TSPAN18: variants seen among roughly 807,000 people sequenced by gnomAD.
TSPAN18 encodes tetraspanin-18.
TSPAN18 carries 14 observed loss-of-function variants against 27.3 expected under a neutral mutation model. That is an observed-to-expected ratio of 0.51 (90% CI 0.34 to 0.80). The LOEUF (loss-of-function observed/expected upper bound fraction) is 0.80, where lower values mean the gene tolerates loss of function less well. Among genes scored for constraint, TSPAN18 ranks in the 30% least tolerant of loss-of-function variants. TSPAN18 has a pLI of 0.01. For missense variants in TSPAN18, 268 were observed against 323.9 expected (o/e 0.83, Z 1.32); for synonymous variants, 143 against 136.5 (o/e 1.05, Z -0.33).
intron 2 of TSPAN18, among the ~76,000 whole-genome samples, chr11:44,780,044 T>G (rs1322754167): frequency 1.3e-5 from 2 of 152,234 alleles, no homozygotes; most frequent in Admixed American, 1.3e-4. Context: ...TGTACACATT[T>G]ACACATGCAC....
chr11:44,802,511 C>T (rs1856503665), intron 2 of TSPAN18, among the ~76,000 whole-genome samples: 1 of 151,948 alleles, frequency 6.6e-6, no homozygotes, highest in South Asian at 2.1e-4. Flanking sequence ...ATTATTGGAG[C>T]AAAAGTAGGA....
intron 4 of TSPAN18, among the ~76,000 whole-genome samples, chr11:44,908,935 A>G (rs538721265): frequency 4.6e-5 from 7 of 152,222 alleles, no homozygotes; most frequent in Non-Finnish European, 1.0e-4. Context: ...TTTTGACCAC[A>G]AGGAAGCTAA....
At chr11:44,869,385 G>A (rs1446818460) in intron 3 of TSPAN18, among the ~76,000 whole-genome samples, 1 of 152,158 alleles carries the variant, frequency 6.6e-6, no homozygotes, top group Non-Finnish European at 1.5e-5. Flanking sequence ...TAGAGCTCTG[G>A]TTTCCTTTAG....
In TSPAN18 at chr11:44,812,357, G is replaced by A. The variant is rs141629563; in HGVS notation, c.-153+47845G>A. ...TTGGTGCATATTAGGGCTCAGATCTGTGATTGTTGTTACTATGCCCTTTCC... is the reference window on the plus strand; with the variant it reads ...TTGGTGCATATTAGGGCTCAGATCTATGATTGTTGTTACTATGCCCTTTCC... On this transcript the variant is annotated intron_variant, in intron 2 of 9. Coordinates refer to ENST00000520358, the MANE Select transcript of TSPAN18 (RefSeq NM_130783.5). Among the ~76,000 whole-genome samples, 684 of 152,322 alleles carry A rather than the reference G, an allele frequency of 4.5e-3. 9 individuals carry two copies. Among genetic ancestry groups the A allele is most frequent in the Admixed American group, 0.041 (631 of 15,296 alleles).
intron 2 of TSPAN18, among the ~76,000 whole-genome samples, chr11:44,779,186 T>C (rs1485448497): frequency 1.3e-5 from 2 of 152,058 alleles, no homozygotes; most frequent in Non-Finnish European, 2.9e-5. Context: ...GGTGCGCATG[T>C]TCCTCCTCAA....
intron 3 of TSPAN18, among the ~76,000 whole-genome samples, chr11:44,861,383 G>T (rs1174029410): frequency 6.7e-6 from 1 of 148,620 alleles, no homozygotes; most frequent in African/African-American, 2.5e-5. Context: ...GGGGCAGTCG[G>T]TGCGGGGGTT....
intron 3 of TSPAN18, among the ~76,000 whole-genome samples, chr11:44,898,585 A>C (rs1351937538): frequency 6.6e-6 from 1 of 152,244 alleles, no homozygotes. Flanking sequence ...TGGGAAGCCC[A>C]AGGTCAAGCA....
chr11:44,897,305 T>C (rs1859094185), intron 3 of TSPAN18, among the ~76,000 whole-genome samples: 1 of 152,160 alleles, frequency 6.6e-6, no homozygotes, highest in African/African-American at 2.4e-5. Context: ...AATCTCTCTC[T>C]CCTGGGAGTC....
chr11:44,756,978 T>C (rs1405382580), intron 1 of TSPAN18, among the ~76,000 whole-genome samples: 1 of 152,254 alleles, frequency 6.6e-6, no homozygotes, highest in East Asian at 1.9e-4. Context: ...CTACGATGTT[T>C]GCTGTTTGCT....
rs148486774 is a variant in TSPAN18, at chr11:44,830,901, A to T, written c.-152-29427A>T. ...AAGCTGGAAACTCAGCTTTTTAAAGAGATGTTTTCCAATTGTTGAAAATTA... is the reference window on the plus strand; with the variant it reads ...AAGCTGGAAACTCAGCTTTTTAAAGTGATGTTTTCCAATTGTTGAAAATTA... On this transcript the variant is annotated intron_variant, in intron 2 of 9. Coordinates refer to ENST00000520358, the MANE Select transcript of TSPAN18 (RefSeq NM_130783.5). Among the ~76,000 whole-genome samples the T allele has an allele frequency of 2.5e-3, 382 of 152,288 alleles. 2 individuals are homozygous for T. The highest frequency in any genetic ancestry group is 8.7e-3 in the African/African-American group (360 of 41,546).
At position 44,817,657 on chromosome 11, in the gene TSPAN18, G is replaced by T. The variant is rs529950990; in HGVS notation, c.-152-42671G>T. Among the ~76,000 whole-genome samples the T allele has an allele frequency of 2.9e-4, 44 of 152,348 alleles. 2 individuals carry two copies. The South Asian group carries it at 8.9e-3, about 31-fold the overall frequency. ...GGTCAAAGTAAGTCATGTGGACAGG[G>T]CCAAATTCAAGGGGTGGACAGTCAC... On this transcript the variant is annotated intron_variant, in intron 2 of 9. Coordinates refer to ENST00000520358, the MANE Select transcript of TSPAN18 (RefSeq NM_130783.5).
intron 2 of TSPAN18, among the ~76,000 whole-genome samples, chr11:44,796,110 C>T (rs1856343655): frequency 6.6e-6 from 1 of 152,172 alleles, no homozygotes; most frequent in African/African-American, 2.4e-5. Context: ...ACGCTTTGCC[C>T]ACATCTGCTT....
intron 1 of TSPAN18, among the ~76,000 whole-genome samples, chr11:44,749,034 C>A (rs145549908): frequency 2.0e-5 from 3 of 152,228 alleles, no homozygotes; most frequent in African/African-American, 7.2e-5. Flanking sequence ...AGTACCTGGC[C>A]CAGCATCATA....
intron 2 of TSPAN18, among the ~76,000 whole-genome samples, chr11:44,854,368 C>T (rs1857682396): frequency 6.6e-6 from 1 of 152,164 alleles, no homozygotes. Context: ...TGCAGTCCCT[C>T]TCAGAACAGA....
At position 44,772,857 on chromosome 11, in the gene TSPAN18, C is replaced by T. The variant is rs1435305461; in HGVS notation, c.-153+8345C>T. On this transcript the variant is annotated intron_variant, in intron 2 of 9. Coordinates refer to ENST00000520358, the MANE Select transcript of TSPAN18 (RefSeq NM_130783.5). Reference sequence around the variant, plus strand: ...ATTTTTAGTAGAAACAGGGTTTCTCCGTGTTGGTCAGGCTGGTCTCGAACT... The same window carrying T: ...ATTTTTAGTAGAAACAGGGTTTCTCTGTGTTGGTCAGGCTGGTCTCGAACT... Among the ~76,000 whole-genome samples the T allele has an allele frequency of 6.6e-5, 10 of 151,880 alleles. 1 individual carries two copies. The South Asian group carries it at 8.3e-4, about 13-fold the overall frequency.
intron 3 of TSPAN18, among the ~76,000 whole-genome samples, chr11:44,865,629 C>G (rs1858015924): frequency 1.3e-5 from 2 of 152,208 alleles, no homozygotes; most frequent in Non-Finnish European, 2.9e-5. Flanking sequence ...GTCCCTTTTC[C>G]TAGCAACATT....
intron 1 of TSPAN18, among the ~76,000 whole-genome samples, chr11:44,744,950 T>A (rs564049349): frequency 9.9e-5 from 15 of 151,728 alleles, no homozygotes; most frequent in African/African-American, 3.4e-4. Flanking sequence ...CAGGAAGGAG[T>A]GCCAAGATCA....
At chr11:44,732,069 T>A (rs1854674252) in intron 1 of TSPAN18, among the ~76,000 whole-genome samples, 1 of 152,272 alleles carries the variant, frequency 6.6e-6, no homozygotes, top group Non-Finnish European at 1.5e-5. Context: ...AATCCCTTTT[T>A]GTGTTCTGCC....
In TSPAN18 at chr11:44,731,596, T is replaced by TTGTG. The variant is rs796756282; in HGVS notation, c.-240+4344_-240+4347dup. Reference sequence around the variant, plus strand: ...CCTTTCTAGTTTTCTGGGGCCTGGATTGTGTGTGTGTGTGTGTGTGTGTGT... The same window carrying TTGTG: ...CCTTTCTAGTTTTCTGGGGCCTGGATTGTGTGTGTGTGTGTGTGTGTGTGTGTGT... On this transcript the variant is annotated intron_variant, in intron 1 of 9. Coordinates refer to ENST00000520358, the MANE Select transcript of TSPAN18 (RefSeq NM_130783.5). Among the ~76,000 whole-genome samples the TTGTG allele has an allele frequency of 8.7e-4, 103 of 117,964 alleles. No individual in the cohort carries two copies. The Middle Eastern group carries it at 0.024, about 28-fold the overall frequency. 77.4% of individuals were successfully genotyped at this position (117,964 alleles called of 152,430 possible).
Sources: allele counts gnomAD v4.1 joint callset (sites outside exome capture counted in the v4.1 genomes callset), GRCh38; gene constraint gnomAD v4.1.1; transcripts MANE v1.5; gene names NCBI Gene and HGNC (gene_info 2026-07-23, HGNC 2026-07-21).